Variants in TRIQK observed in about 807,000 individuals in gnomAD.
TRIQK encodes triple QxxK/R motif containing.
In TRIQK, 10 loss-of-function variants were observed where a neutral mutation model predicts 10.8. The observed-to-expected ratio is 0.92, with a 90% CI of 0.57 to 1.57. TRIQK has a LOEUF of 1.57. TRIQK is among the 40% of genes most tolerant of loss of function. TRIQK has a pLI of 0.00. For synonymous variants in TRIQK, 33 were observed against 33.7 expected (o/e 0.98, Z 0.07); for missense variants, 107 against 97.7 (o/e 1.09, Z -0.40).
chr8:92,960,038 T>C (rs1216217486), intron 1 of TRIQK, among the ~76,000 whole-genome samples: 1 of 152,124 alleles, frequency 6.6e-6, no homozygotes, highest in African/African-American at 2.4e-5. Flanking sequence ...AATTTGACAA[T>C]TTTGTGATTT....
intron 2 of TRIQK, among the ~76,000 whole-genome samples, chr8:92,929,120 C>A (rs1170883910): frequency 6.6e-6 from 1 of 152,054 alleles, no homozygotes; most frequent in Non-Finnish European, 1.5e-5. Flanking sequence ...ATACAAAGTC[C>A]AGGCCTCACC....
intron 1 of TRIQK, among the ~76,000 whole-genome samples, chr8:92,958,334 CT>C (rs1343032383): frequency 2.6e-5 from 4 of 151,942 alleles, no homozygotes; most frequent in Non-Finnish European, 4.4e-5. Flanking sequence ...CAATTACGTA[CT>C]TTCTCTGTAC....
chr8:92,900,625 C>T (rs541146703), intron 3 of TRIQK, among the ~76,000 whole-genome samples: 3 of 152,034 alleles, frequency 2.0e-5, no homozygotes, highest in African/African-American at 7.2e-5. Context: ...GAGTACCATG[C>T]TGTTTTGGTT....
At chr8:92,954,681 AC>A (rs1172677108) in intron 1 of TRIQK, 117 bp from the exon 2 acceptor site, 1 of 151,902 alleles carries the variant, frequency 6.6e-6, no homozygotes, top group Non-Finnish European at 1.5e-5. Context: ...TGGTTTGCTA[AC>A]TCTGTTATTT....
At chr8:93,014,399 G>T (rs1813364125) in intron 1 of TRIQK, among the ~76,000 whole-genome samples, 1 of 151,902 alleles carries the variant, frequency 6.6e-6, no homozygotes, top group African/African-American at 2.4e-5. Flanking sequence ...TTTGCTATAT[G>T]AACAACTATG....
chr8:92,940,591 T>C (rs1197070517), intron 2 of TRIQK, among the ~76,000 whole-genome samples: 5 of 152,194 alleles, frequency 3.3e-5, no homozygotes, highest in Non-Finnish European at 7.3e-5. Context: ...TTTGTAAATA[T>C]ATATGCACCC....
intron 2 of TRIQK, among the ~76,000 whole-genome samples, chr8:92,947,308 C>A (rs541082715): frequency 6.6e-6 from 1 of 151,146 alleles, no homozygotes; most frequent in South Asian, 2.1e-4. Context: ...CGTGGCCGGG[C>A]GCGGTGGCTC....
intron 3 of TRIQK, among the ~76,000 whole-genome samples, chr8:92,896,428 C>T (rs909067427): frequency 5.9e-5 from 9 of 152,272 alleles, no homozygotes; most frequent in Non-Finnish European, 1.2e-4. Context: ...CTGCAGAGAG[C>T]CCTGACTAGG....
intron 1 of TRIQK, among the ~76,000 whole-genome samples, chr8:93,015,422 G>T (rs1813374652): frequency 6.7e-6 from 1 of 148,756 alleles, no homozygotes. Flanking sequence ...TTATAGTTTT[G>T]CTAACTTCTC....
intron 2 of TRIQK, chr8:92,922,286 T>G (rs766570841): frequency 6.6e-6 from 1 of 151,864 alleles, no homozygotes; most frequent in Non-Finnish European, 1.5e-5. Context: ...CCTATTTGCA[T>G]AGTATTTTGC....
Position 92,955,229 on chromosome 8 carries a change from C to T in TRIQK, c.-180-665G>A, listed in dbSNP as rs182123584. Reference sequence around the variant, plus strand: ...ATAATAATACCAACTTAAAATTTAACCCCAACTATTTGGGAACACAAGCTT... The same window carrying T: ...ATAATAATACCAACTTAAAATTTAATCCCAACTATTTGGGAACACAAGCTT... On this transcript the variant is annotated intron_variant, in intron 1 of 4. Transcript: ENST00000521988. Among the ~76,000 whole-genome samples, 237 of 151,356 alleles carry T rather than the reference C, an allele frequency of 1.6e-3. 1 individual carries two copies. Among genetic ancestry groups the T allele is most frequent in the Non-Finnish European group, 6.8e-4 (46 of 67,586 alleles).
intron 3 of TRIQK, among the ~76,000 whole-genome samples, chr8:92,906,303 T>A (rs1809254714): frequency 6.6e-6 from 1 of 152,154 alleles, no homozygotes; most frequent in Non-Finnish European, 1.5e-5. Flanking sequence ...CTGAGGTAAT[T>A]TATGCTGGTT....
intron 1 of TRIQK, among the ~76,000 whole-genome samples, chr8:92,975,875 T>C (rs1384925010): frequency 1.3e-5 from 2 of 152,006 alleles, no homozygotes; most frequent in African/African-American, 4.8e-5. Context: ...TAAATTTTCA[T>C]TTATTTAAAA....
chr8:92,912,655 C>T (rs1586409092), intron 3 of TRIQK, among the ~76,000 whole-genome samples: 2 of 151,768 alleles, frequency 1.3e-5, no homozygotes, highest in African/African-American at 4.8e-5. Flanking sequence ...GACATTACAA[C>T]TGATGCCACA....
chr8:92,921,198 T>C (rs149670578), intron 2 of TRIQK, among the ~76,000 whole-genome samples: 2 of 151,770 alleles, frequency 1.3e-5, no homozygotes, highest in African/African-American at 4.8e-5. Flanking sequence ...CACAGGCAAA[T>C]TGAGAGAGGA....
In TRIQK at chr8:92,980,399, G is replaced by A. The variant is rs537062463; in HGVS notation, c.-180-25835C>T. Among the ~76,000 whole-genome samples, 8 of 151,974 alleles carry A rather than the reference G, an allele frequency of 5.3e-5. No homozygotes were observed. In the South Asian group the frequency reaches 1.0e-3, roughly 20 times the overall value. On this transcript the variant is annotated intron_variant, in intron 1 of 4. Transcript: ENST00000520686. ...TGTGTGTGTGTCTGCACTCACGCGC[G>A]TGTGTGTTCATTTTGGTACCTGTTG...
intron 1 of TRIQK, among the ~76,000 whole-genome samples, chr8:93,006,681 C>T (rs1813276036): frequency 1.3e-5 from 2 of 152,136 alleles, no homozygotes; most frequent in Admixed American, 6.5e-5. Context: ...CTGGGGAGAC[C>T]GGATGGATTG....
At chr8:93,000,864 C>A (rs1586527669) in intron 1 of TRIQK, among the ~76,000 whole-genome samples, 1 of 141,818 alleles carries the variant, frequency 7.1e-6, no homozygotes, top group African/African-American at 2.8e-5. Flanking sequence ...TACAGAAAAC[C>A]ACCAAACCAC....
intron 1 of TRIQK, among the ~76,000 whole-genome samples, chr8:92,983,822 T>G (rs1813007878): frequency 6.6e-6 from 1 of 152,008 alleles, no homozygotes; most frequent in Non-Finnish European, 1.5e-5. Flanking sequence ...ACTTAAGTTT[T>G]TTCACACTCT....
Sources: allele counts gnomAD v4.1 joint callset (sites outside exome capture counted in the v4.1 genomes callset), GRCh38; gene constraint gnomAD v4.1.1; transcripts MANE v1.5; gene names NCBI Gene and HGNC (gene_info 2026-07-23, HGNC 2026-07-21).